The following CNTN4 variants were observed in gnomAD, a reference collection of about 807,000 sequenced individuals.
CNTN4 encodes contactin 4.
A neutral mutation model predicts 122.5 loss-of-function variants in CNTN4; 77 were observed. The observed-to-expected ratio is 0.63, with a 90% CI of 0.52 to 0.76. CNTN4 has a LOEUF of 0.76. Among genes scored for constraint, CNTN4 ranks in the 30% least tolerant of loss-of-function variants. The probability of loss-of-function intolerance (pLI) is 0.00; values close to 1 mark genes in which losing one functional copy is unlikely to be tolerated. For synonymous variants in CNTN4, 512 were observed against 447.0 expected (o/e 1.15, Z -1.83); for missense variants, 1,256 against 1,259.1 (o/e 1.00, Z 0.04).
intron 4 of CNTN4, among the ~76,000 whole-genome samples, chr3:2,611,812 A>G (rs1176141617): frequency 1.3e-5 from 2 of 152,158 alleles, no homozygotes; most frequent in Non-Finnish European, 2.9e-5. Flanking sequence ...TCTCTGTTGT[A>G]TAACAGAGTG....
At chr3:2,149,864 A>G (rs1574944612) in intron 2 of CNTN4, among the ~76,000 whole-genome samples, 1 of 152,056 alleles carries the variant, frequency 6.6e-6, no homozygotes, top group Admixed American at 6.5e-5. Flanking sequence ...CATACTGACA[A>G]CATAACCAGA....
At chr3:2,736,740 G>A (rs967916259) in intron 5 of CNTN4, among the ~76,000 whole-genome samples, 2 of 151,720 alleles carry the variant, frequency 1.3e-5, no homozygotes, top group African/African-American at 4.8e-5. Flanking sequence ...TGGGATTACA[G>A]GCGTGAGCCA....
intron 3 of CNTN4, among the ~76,000 whole-genome samples, chr3:2,380,075 A>G (rs945602534): frequency 1.3e-5 from 2 of 151,096 alleles, no homozygotes; most frequent in Non-Finnish European, 2.9e-5. Context: ...AAAAAAAAAA[A>G]TCATAGGGTT....
At chr3:2,742,132 G>C (rs1430665015) in intron 5 of CNTN4, among the ~76,000 whole-genome samples, 1 of 152,108 alleles carries the variant, frequency 6.6e-6, no homozygotes, top group Non-Finnish European at 1.5e-5. Context: ...GGCTGAATTT[G>C]AGGGGGAAGA....
intron 3 of CNTN4, among the ~76,000 whole-genome samples, chr3:2,344,385 T>C (rs2044324545): frequency 1.3e-5 from 2 of 151,890 alleles, no homozygotes; most frequent in Non-Finnish European, 2.9e-5. Context: ...GTTCAAGCAG[T>C]TCTCCTGCCC....
intron 4 of CNTN4, among the ~76,000 whole-genome samples, chr3:2,620,278 T>C (rs868598788): frequency 3.9e-5 from 6 of 152,080 alleles, no homozygotes; most frequent in South Asian, 4.1e-4. Flanking sequence ...GGTAGGTGGA[T>C]TGCCTGAGCA....
intron 2 of CNTN4, among the ~76,000 whole-genome samples, chr3:2,180,084 G>A (rs1291251028): frequency 1.3e-5 from 2 of 151,702 alleles, no homozygotes; most frequent in African/African-American, 4.9e-5. Flanking sequence ...TATGTTGATT[G>A]TATCTACATG....
chr3:2,183,653 A>T (rs572664449), intron 2 of CNTN4, among the ~76,000 whole-genome samples: 4 of 152,136 alleles, frequency 2.6e-5, no homozygotes, highest in African/African-American at 9.7e-5. Context: ...GCCAACACTG[A>T]CCTCAAATAA....
At chr3:2,409,379 C>G (rs2047151998) in intron 3 of CNTN4, among the ~76,000 whole-genome samples, 3 of 151,842 alleles carry the variant, frequency 2.0e-5, no homozygotes, top group African/African-American at 7.2e-5. Flanking sequence ...TCACGAGTAG[C>G]TGGGACTACA....
intron 2 of CNTN4, among the ~76,000 whole-genome samples, chr3:2,212,224 C>T (rs747199730): frequency 6.6e-6 from 1 of 152,086 alleles, no homozygotes; most frequent in African/African-American, 2.4e-5. Flanking sequence ...ATCCTCCTGT[C>T]TCAGCCTCCC....
intron 4 of CNTN4, among the ~76,000 whole-genome samples, chr3:2,629,988 G>A (rs2150024459): frequency 6.6e-6 from 1 of 152,246 alleles, no homozygotes; most frequent in East Asian, 1.9e-4. Flanking sequence ...CAGAAAAGTA[G>A]GACCCTGAGC....
intron 4 of CNTN4, among the ~76,000 whole-genome samples, chr3:2,613,541 C>G (rs2081587254): frequency 6.6e-6 from 1 of 152,088 alleles, no homozygotes; most frequent in African/African-American, 2.4e-5. Context: ...CACATTTATA[C>G]ATTCATATTA....
intron 2 of CNTN4, among the ~76,000 whole-genome samples, chr3:2,198,028 GAAA>G (rs5846169): frequency 2.2e-5 from 3 of 138,096 alleles, no homozygotes; most frequent in Admixed American, 7.1e-5. Context: ...ACTCTCTCTG[GAAA>G]AAAAAAAAAA....
chr3:2,872,252 C>T (rs1322075139), intron 8 of CNTN4, among the ~76,000 whole-genome samples: 1 of 152,188 alleles, frequency 6.6e-6, no homozygotes, highest in African/African-American at 2.4e-5. Context: ...TAGCCACTTA[C>T]ATGGCTCTCT....
At chr3:3,029,586 G>A (rs758774765) in intron 15 of CNTN4, among the ~76,000 whole-genome samples, 14 of 152,282 alleles carry the variant, frequency 9.2e-5, no homozygotes, top group African/African-American at 1.4e-4. Context: ...GTACTGAAAC[G>A]ATGGAGATAA....
intron 23 of CNTN4, among the ~76,000 whole-genome samples, chr3:3,052,061 G>C (rs185206368): frequency 1.3e-5 from 2 of 152,318 alleles, no homozygotes; most frequent in African/African-American, 4.8e-5. Flanking sequence ...TTCTCCAGGT[G>C]ATTCTGTTCA....
At chr3:2,884,149 G>A (rs1218720696) in intron 9 of CNTN4, among the ~76,000 whole-genome samples, 3 of 151,856 alleles carry the variant, frequency 2.0e-5, no homozygotes, top group East Asian at 3.9e-4. Flanking sequence ...ATGTTGCCCA[G>A]GCTAGTCTTG....
chr3:2,136,970 G>A (rs534226445), intron 2 of CNTN4, among the ~76,000 whole-genome samples: 5 of 152,088 alleles, frequency 3.3e-5, no homozygotes, highest in South Asian at 2.1e-4. Context: ...CCCTCCCCCC[G>A]AAGAAAACAA....
intron 10 of CNTN4, among the ~76,000 whole-genome samples, chr3:2,893,133 CA>C (rs1282363607): frequency 8.6e-5 from 13 of 151,960 alleles, no homozygotes; most frequent in Non-Finnish European, 1.3e-4. Flanking sequence ...TTATTGAGTC[CA>C]AAAAAACCCT....
Sources: allele counts gnomAD v4.1 joint callset (sites outside exome capture counted in the v4.1 genomes callset), GRCh38; gene constraint gnomAD v4.1.1; transcripts MANE v1.5; gene names NCBI Gene and HGNC (gene_info 2026-07-23, HGNC 2026-07-21).